The following CENPW variants were observed in gnomAD, a reference collection of about 807,000 sequenced individuals.
The protein encoded by CENPW is cancer-up-regulated gene 2 protein.
In CENPW, 3 loss-of-function variants were observed where a neutral mutation model predicts 11.1. The ratio of observed to expected loss-of-function variants is 0.27; its 90% CI spans 0.12 to 0.70. The LOEUF is 0.70. Among genes scored for constraint, CENPW ranks in the 30% least tolerant of loss-of-function variants. The pLI is 0.77. For missense variants in CENPW, 100 were observed against 105.6 expected (o/e 0.95, Z 0.23); for synonymous variants, 38 against 42.0 (o/e 0.91, Z 0.37).
the CENPW span, among the ~76,000 whole-genome samples, chr6:126,422,120 G>C: frequency 8.1e-3 from 1,236 of 152,270 alleles, 15 homozygotes; most frequent in African/African-American, 0.028. Context: ...GTATGTGCAT[G>C]TGTGTACGTG....
At chr6:126,382,514 C>T in the CENPW span, among the ~76,000 whole-genome samples, 3 of 151,926 alleles carry the variant, frequency 2.0e-5, no homozygotes, top group African/African-American at 4.8e-5. Flanking sequence ...CTTAGGAGAA[C>T]GTTGAAACCC....
the CENPW span, among the ~76,000 whole-genome samples, chr6:126,382,876 A>T: frequency 3.7e-4 from 56 of 152,340 alleles, no homozygotes; most frequent in African/African-American, 1.1e-3. Flanking sequence ...GTTATCATCC[A>T]TGAGAATATC....
the CENPW span, among the ~76,000 whole-genome samples, chr6:126,442,461 C>G: frequency 6.6e-6 from 1 of 151,520 alleles, no homozygotes; most frequent in South Asian, 2.1e-4. Flanking sequence ...TCTTCACAAT[C>G]TATACATCCA....
chr6:126,444,212 A>G, the CENPW span, among the ~76,000 whole-genome samples: 2 of 150,790 alleles, frequency 1.3e-5, no homozygotes, highest in African/African-American at 4.8e-5. Flanking sequence ...ATTTCTGTAC[A>G]TATGTAGCTT....
chr6:126,473,658 G>A, the CENPW span, among the ~76,000 whole-genome samples: 1 of 151,920 alleles, frequency 6.6e-6, no homozygotes, highest in Non-Finnish European at 1.5e-5. Context: ...GCTTGAGCTT[G>A]GGAGGCGGAG....
the CENPW span, among the ~76,000 whole-genome samples, chr6:126,438,621 A>G: frequency 2.0e-5 from 3 of 151,736 alleles, no homozygotes; most frequent in South Asian, 6.2e-4. Context: ...TAGCACAGTT[A>G]CTCTACATTA....
the CENPW span, among the ~76,000 whole-genome samples, chr6:126,403,948 T>C: frequency 6.6e-6 from 1 of 152,098 alleles, no homozygotes; most frequent in Non-Finnish European, 1.5e-5. Context: ...CTGTTGAGGC[T>C]AATACAGCTG....
chr6:126,374,016 C>T, the CENPW span, among the ~76,000 whole-genome samples: 2 of 152,110 alleles, frequency 1.3e-5, no homozygotes, highest in African/African-American at 4.8e-5. Context: ...ATTTGGGTGA[C>T]TGAAGTACTC....
the CENPW span, among the ~76,000 whole-genome samples, chr6:126,377,939 T>C: frequency 6.6e-6 from 1 of 152,158 alleles, no homozygotes. Context: ...TCAGAACATA[T>C]TGCCCAAGTT....
chr6:126,358,884 A>G, the CENPW span, among the ~76,000 whole-genome samples: 1 of 152,078 alleles, frequency 6.6e-6, no homozygotes, highest in African/African-American at 2.4e-5. Flanking sequence ...CACCAGATGG[A>G]TTCACAGGCA....
the CENPW span, among the ~76,000 whole-genome samples, chr6:126,410,023 G>GT: frequency 3.3e-5 from 5 of 151,096 alleles, no homozygotes; most frequent in South Asian, 4.2e-4. Context: ...TGATATGGTG[G>GT]TTTTTTTTAT....
the CENPW span, among the ~76,000 whole-genome samples, chr6:126,446,419 A>G: frequency 6.7e-6 from 1 of 148,728 alleles, no homozygotes; most frequent in African/African-American, 2.5e-5. Context: ...AATACTTTTA[A>G]TCCTTACTTG....
downstream of CENPW, among the ~76,000 whole-genome samples, chr6:126,352,235 A>G (rs948003970): frequency 2.0e-5 from 3 of 152,138 alleles, no homozygotes; most frequent in Admixed American, 1.3e-4. Context: ...TTGTTGCAGC[A>G]AATACTGTGT....
At chr6:126,385,809 G>C in the CENPW span, among the ~76,000 whole-genome samples, 2 of 152,216 alleles carry the variant, frequency 1.3e-5, no homozygotes, top group Admixed American at 1.3e-4. Flanking sequence ...TTGTAAGACT[G>C]AGGTTTCCCC....
At chr6:126,384,095 A>G in the CENPW span, among the ~76,000 whole-genome samples, 1 of 152,172 alleles carries the variant, frequency 6.6e-6, no homozygotes, top group African/African-American at 2.4e-5. Context: ...AGACGAAGAA[A>G]ATCACTCAAA....
At chr6:126,389,448 A>G in the CENPW span, among the ~76,000 whole-genome samples, 1 of 151,776 alleles carries the variant, frequency 6.6e-6, no homozygotes, top group Non-Finnish European at 1.5e-5. Context: ...TGCCTTCTCT[A>G]GTTATGTCCC....
chr6:126,397,748 G>C, the CENPW span, among the ~76,000 whole-genome samples: 1 of 152,054 alleles, frequency 6.6e-6, no homozygotes, highest in Non-Finnish European at 1.5e-5. Flanking sequence ...TTGGTGACCT[G>C]TTCCCTCTTA....
the CENPW span, among the ~76,000 whole-genome samples, chr6:126,369,882 A>G: frequency 1.3e-5 from 2 of 152,104 alleles, no homozygotes; most frequent in African/African-American, 4.8e-5. Flanking sequence ...TTCCAATGTT[A>G]TCTTCTAGAA....
At chr6:126,385,049 C>A in the CENPW span, among the ~76,000 whole-genome samples, 1 of 151,928 alleles carries the variant, frequency 6.6e-6, no homozygotes, top group Non-Finnish European at 1.5e-5. Context: ...TAAATCAAAA[C>A]CACCATAAGA....
Sources: allele counts gnomAD v4.1 joint callset (sites outside exome capture counted in the v4.1 genomes callset), GRCh38; gene constraint gnomAD v4.1.1; transcripts MANE v1.5; gene names NCBI Gene and HGNC (gene_info 2026-07-23, HGNC 2026-07-21).